ROBO2: variants seen among roughly 807,000 people sequenced by gnomAD.
The protein encoded by ROBO2 is roundabout guidance receptor 2, also known as roundabout homolog 2.
Under a neutral mutation model 160.8 loss-of-function variants are expected in ROBO2, and 53 were observed. The ratio of observed to expected loss-of-function variants is 0.33; its 90% confidence interval spans 0.26 to 0.41. The LOEUF is 0.41. Ranked by LOEUF, ROBO2 falls within the 10% of genes least tolerant of loss-of-function variation. The pLI is 1.00. For missense variants in ROBO2, 1,577 were observed against 1,722.4 expected (o/e 0.92, Z 1.49); for synonymous variants, 664 against 611.7 (o/e 1.09, Z -1.26).
chr3:76,203,347 C>T (rs1702631486), intron 2 of ROBO2, among the ~76,000 whole-genome samples: 1 of 152,212 alleles, frequency 6.6e-6, no homozygotes, highest in South Asian at 2.1e-4. Context: ...CTCAGGCTAT[C>T]AGCTTCCCCT....
chr3:76,093,424 T>TAA (rs1375366818), intron 2 of ROBO2, among the ~76,000 whole-genome samples: 4 of 151,074 alleles, frequency 2.6e-5, no homozygotes, highest in Non-Finnish European at 5.9e-5. Context: ...AAATCAAATA[T>TAA]TTACTAGCAG....
intron 2 of ROBO2, among the ~76,000 whole-genome samples, chr3:76,380,972 A>G (rs2076589773): frequency 6.6e-6 from 1 of 151,986 alleles, no homozygotes; most frequent in African/African-American, 2.4e-5. Context: ...TAGCATAAGA[A>G]CTACTGTAAC....
intron 2 of ROBO2, among the ~76,000 whole-genome samples, chr3:75,988,226 C>T (rs1374833357): frequency 6.6e-6 from 1 of 151,982 alleles, no homozygotes; most frequent in Non-Finnish European, 1.5e-5. Flanking sequence ...TAGATCTATT[C>T]AGATTTTCTA....
intron 2 of ROBO2, among the ~76,000 whole-genome samples, chr3:76,611,064 G>T (rs929443333): frequency 6.6e-6 from 1 of 152,120 alleles, no homozygotes; most frequent in Non-Finnish European, 1.5e-5. Context: ...TGGGCTGATT[G>T]GTTCATGGGT....
chr3:77,311,894 C>T (rs1007830503), intron 2 of ROBO2, among the ~76,000 whole-genome samples: 4 of 152,076 alleles, frequency 2.6e-5, no homozygotes, highest in African/African-American at 4.8e-5. Context: ...GGAGACTAGA[C>T]AGACCAACAA....
chr3:77,163,918 T>G (rs2078714297), intron 2 of ROBO2, among the ~76,000 whole-genome samples: 1 of 152,192 alleles, frequency 6.6e-6, no homozygotes, highest in Admixed American at 6.5e-5. Context: ...CAGATAAAAT[T>G]GATATATTCA....
Position 76,072,461 on chromosome 3 carries a change from G to A in ROBO2, c.109+134859G>A, listed in dbSNP as rs181138318. Reference sequence around the variant, plus strand: ...GTTGAATATAAAATAAAACTTGAGAGATGCATTTACCAGTTTATCCAATAA... The same window carrying A: ...GTTGAATATAAAATAAAACTTGAGAAATGCATTTACCAGTTTATCCAATAA... On this transcript the variant is annotated intron_variant, in intron 2 of 26. Coordinates refer to the ROBO2 transcript ENST00000487694. Among the ~76,000 whole-genome samples the A allele has an allele frequency of 3.9e-3, 593 of 152,112 alleles. 4 individuals are homozygous for A. The highest frequency in any genetic ancestry group is 7.1e-3 in the Non-Finnish European group (481 of 67,984).
At chr3:77,209,045 C>G (rs1461654563) in intron 2 of ROBO2, among the ~76,000 whole-genome samples, 1 of 152,132 alleles carries the variant, frequency 6.6e-6, no homozygotes, top group African/African-American at 2.4e-5. Context: ...AAACAGATCT[C>G]ACATGTGATT....
Position 75,931,644 on chromosome 3 carries a change from G to A in ROBO2, c.-13-5837G>A, listed in dbSNP as rs182432542. Among the ~76,000 whole-genome samples, 502 of 152,132 alleles carry A rather than the reference G, an allele frequency of 3.3e-3. 2 individuals carry two copies. The highest frequency in any genetic ancestry group is 0.012 in the African/African-American group (484 of 41,506). On this transcript the variant is annotated intron_variant, in intron 1 of 26. Transcript: ENST00000487694. ...TGGGATTACAGGCATAAGCCACCAC[G>A]CCCGGCCCAAATTAATATATCTATA...
At chr3:76,833,148 A>C (rs763490460) in intron 2 of ROBO2, among the ~76,000 whole-genome samples, 1 of 152,182 alleles carries the variant, frequency 6.6e-6, no homozygotes, top group Non-Finnish European at 1.5e-5. Flanking sequence ...GGGACTCTGA[A>C]GAAGTAATTT....
At chr3:76,746,048 T>G (rs1229004637) in intron 2 of ROBO2, among the ~76,000 whole-genome samples, 2 of 146,428 alleles carry the variant, frequency 1.4e-5, no homozygotes, top group Non-Finnish European at 3.0e-5. Flanking sequence ...GTGTTCTCAT[T>G]GTTCAAATCC....
At chr3:76,735,396 T>G (rs1265124445) in intron 2 of ROBO2, among the ~76,000 whole-genome samples, 1 of 152,114 alleles carries the variant, frequency 6.6e-6, no homozygotes, top group Non-Finnish European at 1.5e-5. Context: ...TGTGTATTCA[T>G]AGACATCAAG....
At chr3:76,642,533 G>A (rs781424522) in intron 2 of ROBO2, among the ~76,000 whole-genome samples, 20 of 151,534 alleles carry the variant, frequency 1.3e-4, no homozygotes, top group African/African-American at 4.9e-4. Flanking sequence ...TGTATTTTTA[G>A]TAGACACGGG....
At chr3:77,431,456 T>C (rs1262675261) in intron 2 of ROBO2, among the ~76,000 whole-genome samples, 1 of 152,204 alleles carries the variant, frequency 6.6e-6, no homozygotes, top group Non-Finnish European at 1.5e-5. Context: ...ATTGTTCAAG[T>C]CAACCACAGT....
chr3:76,344,754 A>T (rs2074426757), intron 2 of ROBO2, among the ~76,000 whole-genome samples: 1 of 152,212 alleles, frequency 6.6e-6, no homozygotes, highest in African/African-American at 2.4e-5. Flanking sequence ...AATGCCCATT[A>T]TACAGTTAAA....
intron 2 of ROBO2, among the ~76,000 whole-genome samples, chr3:76,918,116 T>G (rs952976742): frequency 7.9e-5 from 12 of 152,158 alleles, no homozygotes; most frequent in Non-Finnish European, 1.5e-4. Context: ...CTATATTGGT[T>G]TAAGATATTT....
At chr3:76,730,989 C>T (rs1240002686) in intron 2 of ROBO2, among the ~76,000 whole-genome samples, 4 of 94,158 alleles carry the variant, frequency 4.2e-5, no homozygotes, top group Non-Finnish European at 4.6e-5. Context: ...CCCGCTTGTC[C>T]TCACCTCCTA....
At chr3:76,050,454 G>T (rs539025330) in intron 2 of ROBO2, among the ~76,000 whole-genome samples, 4 of 152,034 alleles carry the variant, frequency 2.6e-5, no homozygotes, top group African/African-American at 7.2e-5. Context: ...TGCAGATGGC[G>T]TATTGGGGGC....
intron 2 of ROBO2, among the ~76,000 whole-genome samples, chr3:76,482,337 A>C (rs942588759): frequency 9.2e-5 from 14 of 152,158 alleles, no homozygotes; most frequent in Non-Finnish European, 1.5e-4. Flanking sequence ...TGAATATTCA[A>C]GTTTATTACA....
Sources: gnomAD v4.1 joint callset for allele counts (sites outside exome capture counted in the v4.1 genomes callset) on GRCh38, gnomAD v4.1.1 for gene constraint, MANE v1.5 for transcripts, NCBI Gene and HGNC (gene_info 2026-07-23, HGNC 2026-07-21) for gene names.